Variants in PAPSS1 observed in about 807,000 individuals in gnomAD.
PAPSS1 encodes the protein 3'-phosphoadenosine 5'-phosphosulfate synthase 1.
A neutral mutation model predicts 72.0 loss-of-function variants in PAPSS1; 50 were observed. The observed-to-expected ratio is 0.69, with a 90% CI of 0.55 to 0.88. The LOEUF is 0.88. Among genes scored for constraint, PAPSS1 ranks in the 40% least tolerant of loss-of-function variants. The probability of loss-of-function intolerance (pLI) is 0.00; values close to 1 mark genes in which losing one functional copy is unlikely to be tolerated. For missense variants in PAPSS1, 657 were observed against 782.2 expected, an observed-to-expected ratio of 0.84 and a Z score of 1.91; for synonymous variants, 261 against 263.6, an observed-to-expected ratio of 0.99 and a Z score of 0.09.
Position 107,645,081 on chromosome 4 carries a change from A to C in PAPSS1, c.1238-11T>G. The C allele has an allele frequency of 2.0e-6, 3 of 1,491,512 alleles. No individual in the cohort carries two copies. The highest frequency in any genetic ancestry group is 2.7e-6 in the Non-Finnish European group (3 of 1,118,788). 92.4% of individuals were successfully genotyped at this position (1,491,512 alleles called of 1,614,324 possible). ...ATGCAAAGACAGCATCTGAAAAGAG[A>C]ATTTCCAGAGTTAAGAATAGCATGT... On this transcript the variant is annotated splice_polypyrimidine_tract_variant and intron_variant, in intron 9 of 11. Transcript: ENST00000265174.
At chr4:107,630,797 G>C (rs1726208014) in intron 11 of PAPSS1, among the ~76,000 whole-genome samples, 1 of 152,070 alleles carries the variant, frequency 6.6e-6, no homozygotes, top group Admixed American at 6.5e-5. Context: ...AAGCTACTTA[G>C]CCTTTGTATG....
chr4:107,701,407 G>GT (rs373570195), intron 1 of PAPSS1, 122 bp from the exon 2 acceptor site: 51,460 of 472,296 alleles, frequency 0.11, no homozygotes, highest in South Asian at 0.15. Flanking sequence ...AGATAAAACA[G>GT]TTTTTTTTTT....
At chr4:107,658,034 T>C (rs1178565295) in intron 6 of PAPSS1, among the ~76,000 whole-genome samples, 2 of 152,038 alleles carry the variant, frequency 1.3e-5, no homozygotes, top group Non-Finnish European at 2.9e-5. Context: ...GCCTGGAACA[T>C]CTTGCTGAGC....
At chr4:107,707,330 G>A (rs2125939707) in intron 1 of PAPSS1, among the ~76,000 whole-genome samples, 1 of 152,310 alleles carries the variant, frequency 6.6e-6, no homozygotes, top group South Asian at 2.1e-4. Context: ...CTAAGCCCAG[G>A]GCCACTGGGG....
intron 7 of PAPSS1, 29 bp from the exon 8 acceptor site, chr4:107,654,929 A>G: frequency 6.4e-7 from 1 of 1,560,984 alleles, no homozygotes; most frequent in South Asian, 1.1e-5. Context: ...CATGAAGCAC[A>G]CAGCTTGAAT....
intron 1 of PAPSS1, among the ~76,000 whole-genome samples, chr4:107,710,056 C>A (rs1723446889): frequency 6.6e-6 from 1 of 152,090 alleles, no homozygotes; most frequent in African/African-American, 2.4e-5. Context: ...CTTCTACTTC[C>A]CCTTTCCTTC....
At chr4:107,643,687 A>G (rs1726617684) in intron 10 of PAPSS1, among the ~76,000 whole-genome samples, 1 of 152,170 alleles carries the variant, frequency 6.6e-6, no homozygotes, top group Non-Finnish European at 1.5e-5. Context: ...AGTGAATAGA[A>G]AGGGGCAAGA....
At chr4:107,713,334 C>T (rs114754744) in intron 1 of PAPSS1, among the ~76,000 whole-genome samples, 2,013 of 152,214 alleles carry the variant, frequency 0.013, 39 homozygotes, top group African/African-American at 0.046. Flanking sequence ...GGAGAAAATG[C>T]AGAGCCTGGG....
chr4:107,615,923 G>T (rs1170070274), intron 11 of PAPSS1, among the ~76,000 whole-genome samples: 2 of 152,062 alleles, frequency 1.3e-5, no homozygotes, highest in African/African-American at 2.4e-5. Flanking sequence ...CAGGAAAAAG[G>T]GTCCTCACCA....
At chr4:107,697,660 G>A (rs757694175) in intron 2 of PAPSS1, among the ~76,000 whole-genome samples, 1 of 152,178 alleles carries the variant, frequency 6.6e-6, no homozygotes, top group Non-Finnish European at 1.5e-5. Flanking sequence ...ATAGTCAACA[G>A]AGCAGTCAGA....
chr4:107,638,880 G>T (rs1408614570), intron 10 of PAPSS1, among the ~76,000 whole-genome samples: 2 of 152,096 alleles, frequency 1.3e-5, no homozygotes, highest in Non-Finnish European at 2.9e-5. Flanking sequence ...TTACAAATAA[G>T]AAAACAGGGA....
chr4:107,712,218 T>A (rs1723512813), intron 1 of PAPSS1, among the ~76,000 whole-genome samples: 1 of 152,206 alleles, frequency 6.6e-6, no homozygotes, highest in South Asian at 2.1e-4. Context: ...CTCCTAGAAG[T>A]CAGAATGGGC....
intron 1 of PAPSS1, among the ~76,000 whole-genome samples, chr4:107,703,394 TGTACTTTTG>T (rs1723254722): frequency 7.1e-6 from 1 of 140,042 alleles, no homozygotes; most frequent in East Asian, 2.1e-4. Flanking sequence ...GTTTGTTGCT[TGTACTTTTG>T]GAGTCATATC....
intron 5 of PAPSS1, among the ~76,000 whole-genome samples, chr4:107,673,787 C>T (rs938796613): frequency 9.2e-5 from 14 of 152,108 alleles, no homozygotes; most frequent in Non-Finnish European, 1.8e-4. Flanking sequence ...ATGTTAAGGG[C>T]AGCCAGAGAG....
At chr4:107,678,671 G>A (rs1048193544) in intron 5 of PAPSS1, among the ~76,000 whole-genome samples, 5 of 152,074 alleles carry the variant, frequency 3.3e-5, no homozygotes, top group Admixed American at 6.6e-5. Context: ...ATGGGGGACC[G>A]GGGGGTACCA....
chr4:107,714,192 T>A (rs192600235), intron 1 of PAPSS1, among the ~76,000 whole-genome samples: 1 of 152,328 alleles, frequency 6.6e-6, no homozygotes, highest in Admixed American at 6.5e-5. Flanking sequence ...GCAAGAACCC[T>A]GTTAAATCGT....
At chr4:107,709,187 ATAAACT>A (rs1723424113) in intron 1 of PAPSS1, among the ~76,000 whole-genome samples, 1 of 152,240 alleles carries the variant, frequency 6.6e-6, no homozygotes, top group African/African-American at 2.4e-5. Context: ...ATATTAAAAA[ATAAACT>A]TAAAAAAAAT....
chr4:107,677,500 C>T (rs1156758119), intron 5 of PAPSS1, among the ~76,000 whole-genome samples: 2 of 152,176 alleles, frequency 1.3e-5, no homozygotes, highest in East Asian at 1.9e-4. Flanking sequence ...CATCTCACAC[C>T]AGTTAGAATG....
intron 4 of PAPSS1, among the ~76,000 whole-genome samples, chr4:107,683,554 G>C (rs1314788316): frequency 6.6e-6 from 1 of 152,078 alleles, no homozygotes; most frequent in Non-Finnish European, 1.5e-5. Context: ...CAAGCACTGG[G>C]TTAGAAGAGG....
Sources: allele counts gnomAD v4.1 joint callset (sites outside exome capture counted in the v4.1 genomes callset), GRCh38; gene constraint gnomAD v4.1.1; transcripts MANE v1.5; gene names NCBI Gene and HGNC (gene_info 2026-07-23, HGNC 2026-07-21).